The following SNX30 variants were observed in gnomAD, a reference collection of about 807,000 sequenced individuals.
SNX30 encodes the protein sorting nexin family member 30, also known as sorting nexin-30.
SNX30 carries 24 observed loss-of-function variants against 46.4 expected under a neutral mutation model. That is an observed-to-expected ratio of 0.52 (90% confidence interval 0.37 to 0.73). SNX30 has a LOEUF of 0.73. Ranked by LOEUF, SNX30 falls within the 30% of genes least tolerant of loss-of-function variation. The pLI is 0.00. For missense variants in SNX30, 533 were observed against 555.7 expected (o/e 0.96, Z 0.41); for synonymous variants, 189 against 211.5 (o/e 0.89, Z 0.92).
At chr9:112,809,494 C>T (rs563382028) in intron 2 of SNX30, among the ~76,000 whole-genome samples, 131 of 152,044 alleles carry the variant, frequency 8.6e-4, no homozygotes, top group African/African-American at 2.8e-3. Flanking sequence ...GGTGAGGAAA[C>T]AGAGGCGAGC....
At chr9:112,860,073 G>A (rs1841203290) in intron 7 of SNX30, among the ~76,000 whole-genome samples, 10 of 152,130 alleles carry the variant, frequency 6.6e-5, no homozygotes, top group Admixed American at 6.5e-4. Flanking sequence ...AGCCTCCTAA[G>A]TAGTTGAGAC....
At chr9:112,758,328 C>T (rs1441876112) in intron 1 of SNX30, among the ~76,000 whole-genome samples, 1 of 151,950 alleles carries the variant, frequency 6.6e-6, no homozygotes, top group African/African-American at 2.4e-5. Context: ...GCTCAAGTTG[C>T]GCTCTCTCTT....
chr9:112,843,492 G>A (rs60663167), intron 6 of SNX30, among the ~76,000 whole-genome samples: 4 of 152,132 alleles, frequency 2.6e-5, no homozygotes, highest in Admixed American at 6.6e-5. Context: ...GGAGCAGCCA[G>A]TGCAAAGTCC....
chr9:112,832,466 G>A (rs1307140853), intron 4 of SNX30, among the ~76,000 whole-genome samples: 18 of 87,238 alleles, frequency 2.1e-4, no homozygotes, highest in African/African-American at 1.1e-3. Flanking sequence ...GAGAGTGTGT[G>A]TGTGTGTGTG....
At chr9:112,858,874 T>C (rs1488798967) in intron 7 of SNX30, among the ~76,000 whole-genome samples, 1 of 152,156 alleles carries the variant, frequency 6.6e-6, no homozygotes, top group African/African-American at 2.4e-5. Context: ...AGTTCAAACC[T>C]TGGGCCCTGC....
chr9:112,830,789 C>T lies in SNX30; in HGVS notation c.524C>T (p.Thr175Ile). The change falls in exon 4 of 9, where the codon ACC (threonine) becomes ATC (isoleucine). Residue 175 changes from threonine to isoleucine, a missense_variant. Coordinates refer to ENST00000374232, the MANE Select transcript of SNX30 (RefSeq NM_001012994.2). ...CGTTTTTCAGAAGAGTTTGTGGAGA[C>T]CAGAAGAAAAGCTTTGGATAAATTT... is the stretch of plus-strand genomic sequence containing the variant. ...VDRFSEEFVE[T>I]RRKALDKFLK... is the part of the protein sequence containing the mutation. The T allele has an allele frequency of 6.2e-7, 1 of 1,613,780 alleles. No individual in the cohort carries two copies. Among genetic ancestry groups the T allele is most frequent in the Non-Finnish European group, 8.5e-7 (1 of 1,179,930 alleles).
intron 6 of SNX30, among the ~76,000 whole-genome samples, chr9:112,841,013 C>T (rs574081792): frequency 2.6e-4 from 39 of 152,270 alleles, no homozygotes; most frequent in East Asian, 1.7e-3. Flanking sequence ...CCGCCCGCCT[C>T]GGCCTCCCAA....
intron 1 of SNX30, among the ~76,000 whole-genome samples, chr9:112,797,606 A>C (rs1840127158): frequency 6.6e-6 from 1 of 152,038 alleles, no homozygotes; most frequent in Admixed American, 6.5e-5. Context: ...TAAATATCTC[A>C]AAATCTTTAT....
At chr9:112,866,646 T>C in intron 8 of SNX30, 1 of 433,300 alleles carries the variant, frequency 2.3e-6, no homozygotes, top group Non-Finnish European at 4.7e-6. Flanking sequence ...CCACTCTTCT[T>C]TCTGGCTTGA....
chr9:112,840,838 G>A (rs1840845434), intron 6 of SNX30, among the ~76,000 whole-genome samples: 1 of 150,588 alleles, frequency 6.6e-6, no homozygotes, highest in Admixed American at 6.7e-5. Flanking sequence ...GGAGTGCAGT[G>A]GCACGATCTC....
chr9:112,879,462 T>A (rs912329155), downstream of SNX30: 4 of 298,370 alleles, frequency 1.3e-5, no homozygotes, highest in Admixed American at 4.6e-5. Flanking sequence ...TCACAGGGCC[T>A]GGGACTGCTG....
chr9:112,860,478 A>G (rs973483552), intron 7 of SNX30, among the ~76,000 whole-genome samples: 2 of 152,152 alleles, frequency 1.3e-5, no homozygotes, highest in African/African-American at 4.8e-5. Context: ...CACCCTAGTC[A>G]TCCAGACTAG....
At chr9:112,820,164 G>A (rs1840470175) in intron 3 of SNX30, among the ~76,000 whole-genome samples, 1 of 152,230 alleles carries the variant, frequency 6.6e-6, no homozygotes, top group African/African-American at 2.4e-5. Flanking sequence ...ATATCTTTAA[G>A]TGTGGTTTCT....
chr9:112,770,421 T>C (rs1839630131), intron 1 of SNX30, among the ~76,000 whole-genome samples: 1 of 151,904 alleles, frequency 6.6e-6, no homozygotes, highest in Non-Finnish European at 1.5e-5. Flanking sequence ...TCTGCCCACC[T>C]CGTCCCCCCA....
chr9:112,867,303 A>G (rs1232346145), intron 8 of SNX30, among the ~76,000 whole-genome samples: 1 of 139,290 alleles, frequency 7.2e-6, no homozygotes, highest in Non-Finnish European at 1.5e-5. Context: ...CCTCCTCAGA[A>G]CTCCTCCCAC....
At chr9:112,830,053 A>G (rs756368171) in intron 3 of SNX30, among the ~76,000 whole-genome samples, 19 of 152,232 alleles carry the variant, frequency 1.2e-4, no homozygotes, top group Middle Eastern at 3.2e-3. Context: ...TGATCAAACT[A>G]CTATGGAAAC....
chr9:112,776,053 T>C (rs561568379), intron 1 of SNX30, among the ~76,000 whole-genome samples: 4 of 152,190 alleles, frequency 2.6e-5, no homozygotes, highest in Non-Finnish European at 5.9e-5. Context: ...AGATTTTTCT[T>C]CTTCTGAAAT....
At chr9:112,868,045 C>T (rs1312407096) in intron 8 of SNX30, among the ~76,000 whole-genome samples, 12 of 152,160 alleles carry the variant, frequency 7.9e-5, no homozygotes, top group Admixed American at 6.5e-5. Flanking sequence ...AGAACATCAG[C>T]GTGGGAACCA....
intron 1 of SNX30, among the ~76,000 whole-genome samples, chr9:112,762,238 G>GT (rs994598677): frequency 2.7e-5 from 4 of 150,694 alleles, no homozygotes; most frequent in African/African-American, 9.7e-5. Context: ...GTGTGTGTTG[G>GT]TGGGGGGGAA....
Sources: gnomAD v4.1 joint callset for allele counts (sites outside exome capture counted in the v4.1 genomes callset) on GRCh38, gnomAD v4.1.1 for gene constraint, MANE v1.5 for transcripts, NCBI Gene and HGNC (gene_info 2026-07-23, HGNC 2026-07-21) for gene names.